Variants in RYR2 observed in about 807,000 individuals in gnomAD.
The protein encoded by RYR2 is ryanodine receptor 2, also known as cardiac muscle ryanodine receptor-calcium release channel.
Under a neutral mutation model 601.1 loss-of-function variants are expected in RYR2, and 227 were observed. That is an observed-to-expected ratio of 0.38 (90% CI 0.34 to 0.42). RYR2 has a LOEUF of 0.42. Among genes scored for constraint, RYR2 ranks in the 10% least tolerant of loss-of-function variants. The pLI is 1.00. For missense variants in RYR2, 4,646 were observed against 6,156.5 expected, an observed-to-expected ratio of 0.75 and a Z score of 8.21; for synonymous variants, 2,223 against 2,175.1, an observed-to-expected ratio of 1.02 and a Z score of -0.61.
intron 1 of RYR2, among the ~76,000 whole-genome samples, chr1:237,101,830 T>C (rs895629806): frequency 6.6e-6 from 1 of 152,222 alleles, no homozygotes; most frequent in Non-Finnish European, 1.5e-5. Flanking sequence ...ACTTTTTCAG[T>C]CAATCAGCCA....
rs778352961 is a variant in RYR2 at position 237,633,640 on chromosome 1, A to C, written c.6618A>C (p.Ile2206=). ...CCRFLCYFCR[I]SRQNQKAMFD... is the part of the protein sequence containing the mutation. ...GTTTTCTCTGTTACTTCTGTCGTAT[A>C]AGTAGGCAGAATCAAAAAGCTATGT... The change falls in exon 43 of 105, where the codon ATA becomes ATC. Residue 2206 remains isoleucine, a synonymous_variant. Coordinates refer to ENST00000366574, the MANE Select transcript of RYR2 (RefSeq NM_001035.3). 7 of 1,613,810 alleles carry C rather than the reference A, an allele frequency of 4.3e-6. No individual in the cohort carries two copies. Among genetic ancestry groups the C allele is most frequent in the Non-Finnish European group, 5.1e-6 (6 of 1,179,818 alleles).
intron 2 of RYR2, among the ~76,000 whole-genome samples, chr1:237,282,675 G>A (rs1379670877): frequency 6.6e-6 from 1 of 152,100 alleles, no homozygotes; most frequent in Non-Finnish European, 1.5e-5. Context: ...GAAAGTATAG[G>A]GATGGCATTT....
intron 24 of RYR2, among the ~76,000 whole-genome samples, chr1:237,522,035 A>G (rs1230792785): frequency 6.6e-6 from 1 of 152,106 alleles, no homozygotes; most frequent in Non-Finnish European, 1.5e-5. Flanking sequence ...CAGGTTAAAT[A>G]TGTATACATG....
intron 2 of RYR2, among the ~76,000 whole-genome samples, chr1:237,273,126 A>T (rs926627822): frequency 1.3e-5 from 2 of 152,040 alleles, no homozygotes; most frequent in East Asian, 3.9e-4. Context: ...CATAATGTAC[A>T]ATCAGTGGGA....
At chr1:237,348,860 C>T (rs979253451) in intron 3 of RYR2, among the ~76,000 whole-genome samples, 3 of 152,034 alleles carry the variant, frequency 2.0e-5, no homozygotes, top group African/African-American at 7.2e-5. Flanking sequence ...CTGAAAACCA[C>T]AGTAAGTAAA....
chr1:237,295,781 G>A (rs1455903079), intron 2 of RYR2, among the ~76,000 whole-genome samples: 1 of 152,146 alleles, frequency 6.6e-6, no homozygotes, highest in Non-Finnish European at 1.5e-5. Flanking sequence ...CAGGTTTAGT[G>A]TATATTTAAA....
intron 22 of RYR2, 37 bp from the exon 23 acceptor site, chr1:237,506,673 G>A: frequency 6.7e-7 from 1 of 1,492,676 alleles, no homozygotes; most frequent in African/African-American, 1.4e-5. Flanking sequence ...TATTGCATTT[G>A]TTTCTGATGT....
rs759952370 is a variant in RYR2, at chr1:237,610,877, C to A, written c.4799C>A (p.Pro1600His). The change falls in exon 36 of 105, where the codon CCC (proline) becomes CAC (histidine). Residue 1600 changes from proline to histidine, a missense_variant. By Grantham distance (77) the Pro-to-His change is moderately conservative (BLOSUM62 -2). Transcript: ENST00000366574. This position sits in a 1 kb window ranked among gnomAD's most constrained non-coding sequence, Gnocchi z 4.9. ...FLSHVLWSRM[P>H]NQFLKVDVSR... ...TCACACGTCCTGTGGAGCAGAATGC[C>A]CAACCAGTTTTTGAAGGTAGATGTG... The A allele has an allele frequency of 6.2e-7, 1 of 1,613,374 alleles. No individual in the cohort carries two copies. The highest frequency in any genetic ancestry group is 1.1e-5 in the South Asian group (1 of 90,868).
intron 48 of RYR2, among the ~76,000 whole-genome samples, chr1:237,645,818 T>C (rs1294878661): frequency 1.3e-5 from 2 of 152,094 alleles, no homozygotes; most frequent in Non-Finnish European, 2.9e-5. Flanking sequence ...TCAGTCACAA[T>C]GAAAGTTAAC....
chr1:237,694,496 A>G (rs1687240855), intron 63 of RYR2, among the ~76,000 whole-genome samples: 1 of 152,172 alleles, frequency 6.6e-6, no homozygotes. Flanking sequence ...TAGTACTATG[A>G]CAATATGCAT....
intron 1 of RYR2, among the ~76,000 whole-genome samples, chr1:237,235,425 CA>C (rs1198628822): frequency 6.6e-6 from 1 of 152,216 alleles, no homozygotes; most frequent in African/African-American, 2.4e-5. Flanking sequence ...CATTACCAAT[CA>C]GCTTCTTTGT....
chr1:237,617,519 A>G (rs1559121636), intron 38 of RYR2, 33 bp downstream of exon 38: 1 of 1,600,536 alleles, frequency 6.2e-7, no homozygotes, highest in South Asian at 1.1e-5. Flanking sequence ...CTTCGTATTT[A>G]TGTTGGCTTT....
chr1:237,704,194 T>C (rs1338439023), intron 66 of RYR2, among the ~76,000 whole-genome samples: 2 of 152,108 alleles, frequency 1.3e-5, no homozygotes, highest in African/African-American at 4.8e-5. Flanking sequence ...CTAAGCCAGA[T>C]GAAGGCTGAG....
intron 73 of RYR2, among the ~76,000 whole-genome samples, chr1:237,722,866 C>T (rs567721077): frequency 6.7e-6 from 1 of 148,878 alleles, no homozygotes; most frequent in East Asian, 2.0e-4. Flanking sequence ...TTACCTTTTG[C>T]CTGTATGTGC....
intron 1 of RYR2, among the ~76,000 whole-genome samples, chr1:237,107,226 G>A (rs1471695320): frequency 1.3e-5 from 2 of 152,106 alleles, no homozygotes; most frequent in East Asian, 1.9e-4. Flanking sequence ...TATAGATGCT[G>A]TACTATGAGC....
At chr1:237,509,187 T>G (rs1453620642) in intron 23 of RYR2, among the ~76,000 whole-genome samples, 1 of 152,222 alleles carries the variant, frequency 6.6e-6, no homozygotes, top group Non-Finnish European at 1.5e-5. Context: ...GCCCTTGGTC[T>G]GCTGCTGTTG....
At chr1:237,083,575 T>C (rs1287544083) in intron 1 of RYR2, among the ~76,000 whole-genome samples, 1 of 152,128 alleles carries the variant, frequency 6.6e-6, no homozygotes, top group Non-Finnish European at 1.5e-5. Context: ...GAATGTGAAC[T>C]GATGAGGCAA....
rs1203656381 is a variant in RYR2 at position 237,674,740 on chromosome 1, G to A, written c.8724G>A (p.Lys2908=). 4 of 1,606,170 alleles carry A rather than the reference G, an allele frequency of 2.5e-6. No homozygotes were observed. The highest frequency in any genetic ancestry group is 1.3e-5 in the African/African-American group (1 of 74,800). Residue 2908 remains lysine, a synonymous_variant, in exon 60 of 105, where the codon AAG becomes AAA. Coordinates refer to ENST00000366574, the MANE Select transcript of RYR2 (RefSeq NM_001035.3). ...INGYAVSRGF[K]DLELDTPSIE... is the part of the protein sequence containing the mutation. ...ATTTTTGCTCTTCCAGAGGATTTAAGGACCTGGAACTGGACACGCCTTCTA... is the reference window on the plus strand; with the variant it reads ...ATTTTTGCTCTTCCAGAGGATTTAAAGACCTGGAACTGGACACGCCTTCTA...
intron 2 of RYR2, among the ~76,000 whole-genome samples, chr1:237,308,161 T>C (rs1466807920): frequency 6.6e-6 from 1 of 152,248 alleles, no homozygotes; most frequent in Non-Finnish European, 1.5e-5. Flanking sequence ...AGTGTCCAGA[T>C]ATCCTGATAT....
Sources: gnomAD v4.1 joint callset for allele counts (sites outside exome capture counted in the v4.1 genomes callset) on GRCh38, gnomAD v4.1.1 for gene constraint, Gnocchi (gnomAD v3.1) non-coding constraint, MANE v1.5 for transcripts, NCBI Gene and HGNC (gene_info 2026-07-23, HGNC 2026-07-21) for gene names.